The following IRAK1BP1 variants were observed in gnomAD, a reference collection of about 807,000 sequenced individuals.
The protein encoded by IRAK1BP1 is interleukin-1 receptor-associated kinase 1-binding protein 1.
Under a neutral mutation model 28.0 loss-of-function variants are expected in IRAK1BP1, and 24 were observed. That is an observed-to-expected ratio of 0.86 (90% CI 0.62 to 1.20). The LOEUF (loss-of-function observed/expected upper bound fraction) is 1.20. Among genes scored for constraint, IRAK1BP1 ranks in the 50% most tolerant of loss-of-function variants. The probability of loss-of-function intolerance (pLI) is 0.00; values close to 1 mark genes in which losing one functional copy is unlikely to be tolerated. For missense variants in IRAK1BP1, 336 were observed against 316.7 expected (o/e 1.06, Z -0.46); for synonymous variants, 131 against 116.3 (o/e 1.13, Z -0.81).
At chr6:78,903,138 A>C (rs1582029607), downstream of IRAK1BP1, 5 of 1,170,020 alleles carry the variant, frequency 4.3e-6, no homozygotes, top group East Asian at 1.3e-4. Context: ...AAGAGTGAGA[A>C]AAAGAAGACT....
At chr6:78,921,199 A>G (rs772541617) in intron 4 of IRAK1BP1, among the ~76,000 whole-genome samples, 2 of 152,150 alleles carry the variant, frequency 1.3e-5, no homozygotes, top group Non-Finnish European at 2.9e-5. Context: ...GACAGATGGC[A>G]ACTAGAAAAT....
chr6:78,908,122 C>T (rs1719929670), intron 4 of IRAK1BP1, among the ~76,000 whole-genome samples: 2 of 149,226 alleles, frequency 1.3e-5, no homozygotes, highest in African/African-American at 5.0e-5. Flanking sequence ...GTAATCTTGG[C>T]TCACTGCCAC....
chr6:78,970,840 T>G, the IRAK1BP1 span: 1 of 1,612,244 alleles, frequency 6.2e-7, no homozygotes, highest in African/African-American at 1.3e-5. Context: ...ATTTTATTTT[T>G]CCGGGCCATT....
At chr6:78,893,866 G>A (rs1771785187) in intron 2 of IRAK1BP1, among the ~76,000 whole-genome samples, 1 of 151,926 alleles carries the variant, frequency 6.6e-6, no homozygotes, top group Non-Finnish European at 1.5e-5. Context: ...TCACGTCACT[G>A]TACTCCAGCC....
chr6:78,875,092 A>G (rs140489624), intron 1 of IRAK1BP1, among the ~76,000 whole-genome samples: 1 of 152,354 alleles, frequency 6.6e-6, no homozygotes, highest in East Asian at 1.9e-4. Context: ...GACACTTCTC[A>G]AAAGAAACCA....
chr6:78,913,869 G>A (rs1474649493), intron 4 of IRAK1BP1, among the ~76,000 whole-genome samples: 1 of 152,184 alleles, frequency 6.6e-6, no homozygotes, highest in Non-Finnish European at 1.5e-5. Flanking sequence ...GCAGCAAATA[G>A]GAAGTGAACA....
chr6:78,906,015 T>C (rs1470068828), downstream of IRAK1BP1, among the ~76,000 whole-genome samples: 3 of 152,178 alleles, frequency 2.0e-5, no homozygotes, highest in African/African-American at 7.2e-5. Context: ...TTTAAAATGA[T>C]CAGCAGTATG....
the IRAK1BP1 span, chr6:78,955,054 T>A: frequency 1.0e-6 from 1 of 975,054 alleles, no homozygotes; most frequent in Non-Finnish European, 1.5e-6. Flanking sequence ...TTGGGTAATA[T>A]ACAATAATTC....
downstream of IRAK1BP1, among the ~76,000 whole-genome samples, chr6:78,950,820 T>G (rs1438236928): frequency 8.3e-6 from 1 of 119,880 alleles, no homozygotes; most frequent in Non-Finnish European, 1.8e-5. Flanking sequence ...TTTTCTTTAT[T>G]GTTTTTCTTT....
chr6:78,921,780 C>G (rs995131189), intron 4 of IRAK1BP1, among the ~76,000 whole-genome samples: 1 of 152,202 alleles, frequency 6.6e-6, no homozygotes, highest in African/African-American at 2.4e-5. Flanking sequence ...ATCTGCTGTT[C>G]TGCAGCCTCT....
chr6:78,921,170 C>G (rs528329428), intron 4 of IRAK1BP1, among the ~76,000 whole-genome samples: 1 of 152,290 alleles, frequency 6.6e-6, no homozygotes, highest in African/African-American at 2.4e-5. Context: ...AATTCCCTTT[C>G]CTAGCCAAGG....
chr6:78,874,781 T>A (rs1770936134), intron 1 of IRAK1BP1, among the ~76,000 whole-genome samples: 2 of 152,212 alleles, frequency 1.3e-5, no homozygotes, highest in Admixed American at 1.3e-4. Flanking sequence ...GCTTTGTTTT[T>A]CTGTAAAGTT....
intron 4 of IRAK1BP1, among the ~76,000 whole-genome samples, chr6:78,922,575 C>G (rs1327436570): frequency 6.6e-6 from 1 of 152,078 alleles, no homozygotes; most frequent in East Asian, 1.9e-4. Context: ...ACAGAGAGTG[C>G]CACAAAGGTA....
At chr6:78,907,700 T>C (rs1562093428), downstream of IRAK1BP1, among the ~76,000 whole-genome samples, 2 of 152,154 alleles carry the variant, frequency 1.3e-5, no homozygotes, top group Admixed American at 1.3e-4. Flanking sequence ...GTAACTGAGA[T>C]AACACTTGTT....
chr6:78,869,553 T>A (rs2127663491), intron 1 of IRAK1BP1, among the ~76,000 whole-genome samples: 1 of 152,194 alleles, frequency 6.6e-6, no homozygotes, highest in East Asian at 1.9e-4. Context: ...TAAGTCCAAC[T>A]TAGAGTAATC....
the IRAK1BP1 span, chr6:78,970,702 A>G: frequency 1.1e-6 from 1 of 884,020 alleles, no homozygotes; most frequent in Admixed American, 2.5e-5. Flanking sequence ...TATTGTGTTA[A>G]TAGTAACCTT....
chr6:78,962,838 A>T, the IRAK1BP1 span, among the ~76,000 whole-genome samples: 8 of 152,002 alleles, frequency 5.3e-5, no homozygotes, highest in Admixed American at 2.0e-4. Context: ...GTTGTGGAGG[A>T]CCCAGTTTTT....
intron 4 of IRAK1BP1, among the ~76,000 whole-genome samples, chr6:78,930,456 A>C (rs1773013010): frequency 1.3e-5 from 2 of 152,086 alleles, no homozygotes; most frequent in African/African-American, 4.8e-5. Context: ...AAGGTTTAAA[A>C]ATTTTGCTAT....
In IRAK1BP1 at chr6:78,868,596, T is replaced by A. The variant is rs556109703; in HGVS notation, c.315+705T>A. Among the ~76,000 whole-genome samples, 242 of 152,210 alleles carry A rather than the reference T, an allele frequency of 1.6e-3. 1 individual carries two copies. In the Middle Eastern group the frequency reaches 0.017, roughly 11 times the overall value. ...TAAACAAATCTTACCTTAAGCCTAC[T>A]CCTAAGGCAAGAAAAAAAATGAAGC... On this transcript the variant is annotated intron_variant, in intron 1 of 3. Transcript: ENST00000369940.
Sources: gnomAD v4.1 joint callset for allele counts (sites outside exome capture counted in the v4.1 genomes callset) on GRCh38, gnomAD v4.1.1 for gene constraint, MANE v1.5 for transcripts, NCBI Gene and HGNC (gene_info 2026-07-23, HGNC 2026-07-21) for gene names.